The following BCL11A variants were observed in gnomAD, a reference collection of about 807,000 sequenced individuals.
BCL11A encodes the protein B cell CLL/lymphoma 11A.
A neutral mutation model predicts 55.9 loss-of-function variants in BCL11A; 2 were observed. That is an observed-to-expected ratio of 0.04 (90% CI 0.01 to 0.11). BCL11A has a LOEUF of 0.11. Among genes scored for constraint, BCL11A ranks in the 10% least tolerant of loss-of-function variants. The probability of loss-of-function intolerance (pLI) is 1.00; values close to 1 mark genes in which losing one functional copy is unlikely to be tolerated. For missense variants in BCL11A, 817 were observed against 1,137.1 expected, an observed-to-expected ratio of 0.72 and a Z score of 4.05; for synonymous variants, 465 against 473.4, an observed-to-expected ratio of 0.98 and a Z score of 0.23.
intron 2 of BCL11A, among the ~76,000 whole-genome samples, chr2:60,477,125 C>G (rs1243018169): frequency 6.6e-6 from 1 of 152,202 alleles, no homozygotes; most frequent in Admixed American, 6.5e-5. Flanking sequence ...GCAAACCACA[C>G]TTGCGTTTCT....
chr2:60,529,693 A>G (rs1669362203), intron 2 of BCL11A, among the ~76,000 whole-genome samples: 1 of 152,238 alleles, frequency 6.6e-6, no homozygotes, highest in Non-Finnish European at 1.5e-5. Context: ...CTAGAAAAGG[A>G]GAAGGAAATC....
At chr2:60,538,735 C>CTGTG (rs756885542) in intron 2 of BCL11A, among the ~76,000 whole-genome samples, 22 of 69,252 alleles carry the variant, frequency 3.2e-4, no homozygotes, top group African/African-American at 9.9e-4. Context: ...CTCTCTCTCT[C>CTGTG]TCTCTGTGTG....
Position 60,460,899 on chromosome 2 carries a change from A to C in BCL11A, c.2013T>G (p.Asp671Glu). ...AGYAASRQLK[D>E]PFLSFGDSRQ... ...TGGAGTCTCCGAAGCTAAGGAAGGG[A>C]TCTTTGAGCTGCCTGGAGGCCGCGT... The change falls in exon 4 of 4, where the codon GAT becomes GAG. Residue 671 changes from aspartate to glutamate, a missense_variant. Coordinates refer to ENST00000642384, the MANE Select transcript of BCL11A (RefSeq NM_022893.4). 3 of 1,613,108 alleles carry C rather than the reference A, an allele frequency of 1.9e-6. No individual in the cohort carries two copies. The highest frequency in any genetic ancestry group is 2.5e-6 in the Non-Finnish European group (3 of 1,180,010).
intron 2 of BCL11A, among the ~76,000 whole-genome samples, chr2:60,497,506 G>T (rs547950208): frequency 6.6e-6 from 1 of 152,212 alleles, no homozygotes; most frequent in South Asian, 2.1e-4. Context: ...GAACATTCCA[G>T]GTAGACAGAT....
chr2:60,481,709 A>C (rs1052179694), intron 2 of BCL11A, among the ~76,000 whole-genome samples: 2 of 151,974 alleles, frequency 1.3e-5, no homozygotes, highest in African/African-American at 4.8e-5. Context: ...AGCACATACA[A>C]CTCAGGGCTC....
intron 2 of BCL11A, among the ~76,000 whole-genome samples, chr2:60,523,753 C>A (rs1669090947): frequency 6.6e-6 from 1 of 151,784 alleles, no homozygotes; most frequent in South Asian, 2.1e-4. Context: ...TTGAGAAATA[C>A]ATTTAGAAAT....
At chr2:60,517,019 T>C (rs927333938) in intron 2 of BCL11A, among the ~76,000 whole-genome samples, 1 of 152,310 alleles carries the variant, frequency 6.6e-6, no homozygotes, top group Non-Finnish European at 1.5e-5. Context: ...ATGTAAAATA[T>C]GAAGCATTTC....
intron 2 of BCL11A, among the ~76,000 whole-genome samples, chr2:60,510,533 G>A (rs1373974943): frequency 1.3e-5 from 2 of 152,070 alleles, no homozygotes; most frequent in African/African-American, 4.8e-5. Flanking sequence ...TTTCGTGCAG[G>A]CAGTTTGATC....
At chr2:60,499,167 C>T (rs897325074) in intron 2 of BCL11A, among the ~76,000 whole-genome samples, 2 of 152,196 alleles carry the variant, frequency 1.3e-5, no homozygotes, top group Non-Finnish European at 2.9e-5. Context: ...GGGGCCCAAG[C>T]CAAAGAGCTG....
chr2:60,474,071 C>A (rs1347418722), intron 2 of BCL11A, among the ~76,000 whole-genome samples: 1 of 152,200 alleles, frequency 6.6e-6, no homozygotes, highest in Non-Finnish European at 1.5e-5. Context: ...ATCAATCACT[C>A]ATTTTAAAAC....
intron 2 of BCL11A, among the ~76,000 whole-genome samples, chr2:60,486,444 T>C (rs564275141): frequency 2.6e-5 from 4 of 152,302 alleles, no homozygotes; most frequent in South Asian, 2.1e-4. Context: ...AAGAAAACTA[T>C]ACTTAGGCAC....
intron 2 of BCL11A, among the ~76,000 whole-genome samples, chr2:60,472,382 C>A (rs1213089025): frequency 6.6e-6 from 1 of 152,206 alleles, no homozygotes; most frequent in Non-Finnish European, 1.5e-5. Context: ...CTGACTCAAT[C>A]TTTTTTCAAA....
In BCL11A at chr2:60,481,439, A is replaced by G. The variant is rs897631436; in HGVS notation, c.386-12606T>C. ...CTGCTTTGCGGCTTTAACGCACTACACCCCACCCACCACAAGCACATACAC... is the reference window on the plus strand; with the variant it reads ...CTGCTTTGCGGCTTTAACGCACTACGCCCCACCCACCACAAGCACATACAC... On this transcript the variant is annotated intron_variant, in intron 2 of 3. Transcript: ENST00000642384. Among the ~76,000 whole-genome samples the G allele has an allele frequency of 2.6e-5, 4 of 151,948 alleles. 1 individual carries two copies. Among genetic ancestry groups the G allele is most frequent in the Non-Finnish European group, 2.9e-5 (2 of 68,006 alleles).
intron 1 of BCL11A, chr2:60,550,741 G>C: frequency 2.5e-6 from 1 of 398,268 alleles, no homozygotes; most frequent in Non-Finnish European, 4.4e-6. Context: ...CCAGGAGGGA[G>C]AGGGGTACGA....
chr2:60,496,789 C>CTT (rs1486517165), intron 2 of BCL11A, among the ~76,000 whole-genome samples: 1 of 152,026 alleles, frequency 6.6e-6, no homozygotes, highest in East Asian at 1.9e-4. Context: ...CTCTCTCTCT[C>CTT]TCTCTCACTA....
chr2:60,531,720 C>CGCTGACCCCAGTACCCAAGGCAGG (rs1483064159), intron 2 of BCL11A, among the ~76,000 whole-genome samples: 2 of 152,170 alleles, frequency 1.3e-5, no homozygotes, highest in Non-Finnish European at 2.9e-5. Flanking sequence ...CACCAGGAGA[C>CGCTGACCCCAGTACCCAAGGCAGG]GCTGACCCCA....
Position 60,546,224 on chromosome 2 carries a change from G to A in BCL11A, c.132C>T (p.Asp44=), listed in dbSNP as rs1285196518. The change falls in exon 2 of 4, where the codon GAC becomes GAT. Residue 44 remains aspartate, a synonymous_variant. Coordinates refer to ENST00000642384, the MANE Select transcript of BCL11A (RefSeq NM_022893.4). This position sits in a 1 kb window ranked among gnomAD's most constrained non-coding sequence, Gnocchi z 4.1. ...TCTGGCACTGCCCACAGGTGAGGAG[G>A]TCATGATCCCCTTCTGGAGCTCCCA... The part of the protein sequence containing the change: ...GPLGAPEGDH[D]LLTCGQCQMN... 1.9e-6 allele frequency: 3 copies of A among 1,614,072 alleles called. No individual in the cohort carries two copies. Among genetic ancestry groups the A allele is most frequent in the African/African-American group, 2.7e-5 (2 of 74,922 alleles).
intron 2 of BCL11A, among the ~76,000 whole-genome samples, chr2:60,503,186 G>T (rs745495449): frequency 7.9e-5 from 12 of 152,204 alleles, no homozygotes; most frequent in Non-Finnish European, 1.5e-4. Flanking sequence ...CTAGTCCCAA[G>T]ATGGAGAAGC....
Position 60,460,975 on chromosome 2 carries a change from G to C in BCL11A, c.1937C>G (p.Pro646Arg). Residue 646 changes from proline to arginine, a missense_variant, in exon 4 of 4, where the codon CCG becomes CGG. Physicochemically the swap from Pro to Arg is moderately radical, Grantham distance 103. Transcript: ENST00000642384. ...IKLEKEFDLPPAAMPNTENVY... is the reference protein window; with the variant it reads ...IKLEKEFDLPRAAMPNTENVY... Reference sequence around the variant, plus strand: ...GTTCTCCGTGTTGGGCATCGCGGCCGGGGGCAGGTCGAACTCCTTCTCGAG... The same window carrying C: ...GTTCTCCGTGTTGGGCATCGCGGCCCGGGGCAGGTCGAACTCCTTCTCGAG... The C allele has an allele frequency of 6.2e-7, 1 of 1,609,544 alleles. No homozygotes were observed. The highest frequency in any genetic ancestry group is 8.5e-7 in the Non-Finnish European group (1 of 1,177,682).
Sources: allele counts gnomAD v4.1 joint callset (sites outside exome capture counted in the v4.1 genomes callset), GRCh38; gene constraint gnomAD v4.1.1; non-coding constraint Gnocchi (gnomAD v3.1); transcripts MANE v1.5; gene names NCBI Gene and HGNC (gene_info 2026-07-23, HGNC 2026-07-21).